The following GRIN2B variants were observed in gnomAD, a reference collection of about 807,000 sequenced individuals.
GRIN2B encodes glutamate ionotropic receptor NMDA type subunit 2B, also known as glutamate receptor ionotropic, NMDA 2B.
GRIN2B carries 5 observed loss-of-function variants against 114.5 expected under a neutral mutation model. The observed-to-expected ratio is 0.04, with a 90% CI of 0.02 to 0.09. The LOEUF is 0.09. Ranked by LOEUF, GRIN2B falls within the 10% of genes least tolerant of loss-of-function variation. GRIN2B has a pLI of 1.00. For missense variants in GRIN2B, 1,108 were observed against 1,943.5 expected, an observed-to-expected ratio of 0.57 and a Z score of 8.08; for synonymous variants, 787 against 745.1, an observed-to-expected ratio of 1.06 and a Z score of -0.92.
intron 2 of GRIN2B, among the ~76,000 whole-genome samples, chr12:13,924,702 G>A (rs10845862): frequency 0.13 from 20,222 of 152,180 alleles, 2,095 homozygotes; most frequent in East Asian, 0.42. Flanking sequence ...AGAGCAAAAA[G>A]AGGAATATCT....
rs765922947 is a variant in GRIN2B at position 13,616,445 on chromosome 12, G to T, written c.1328+10C>A. 20 of 1,601,358 alleles carry T rather than the reference G, an allele frequency of 1.2e-5. No homozygotes were observed. Among genetic ancestry groups the T allele is most frequent in the Non-Finnish European group, 1.6e-5 (19 of 1,169,398 alleles). On this transcript the variant is annotated intron_variant, in intron 6 of 13. Coordinates refer to ENST00000609686, the MANE Select transcript of GRIN2B (RefSeq NM_000834.5). ...CCATGCCACCCAAAGTCATTGAGAG[G>T]ATGCCATACTCAGTGACTATGCGTT...
intron 5 of GRIN2B, among the ~76,000 whole-genome samples, chr12:13,646,684 CT>C (rs2136512526): frequency 6.6e-6 from 1 of 151,604 alleles, no homozygotes; most frequent in Admixed American, 6.6e-5. Flanking sequence ...TCCTTCTTCT[CT>C]TATTTCCGTA....
chr12:13,961,443 G>C (rs755624096), intron 2 of GRIN2B, among the ~76,000 whole-genome samples: 5 of 152,092 alleles, frequency 3.3e-5, no homozygotes, highest in Non-Finnish European at 7.4e-5. Context: ...GCACATTTTT[G>C]CCGGTAAGTG....
At chr12:13,873,992 A>T in intron 2 of GRIN2B, among the ~76,000 whole-genome samples, 1 of 152,224 alleles carries the variant, frequency 6.6e-6, no homozygotes, top group Non-Finnish European at 1.5e-5. Flanking sequence ...GGCTTTGATT[A>T]TCCAAATCTC....
chr12:13,757,773 C>T (rs565091066), intron 3 of GRIN2B, among the ~76,000 whole-genome samples: 2 of 152,182 alleles, frequency 1.3e-5, no homozygotes, highest in African/African-American at 2.4e-5. Flanking sequence ...CAGTCTAGAA[C>T]CATAATGTGG....
At chr12:13,932,988 C>CGCGT (rs1867064747) in intron 2 of GRIN2B, among the ~76,000 whole-genome samples, 3 of 91,066 alleles carry the variant, frequency 3.3e-5, no homozygotes, top group Non-Finnish European at 5.1e-5. Flanking sequence ...TGTGTGTGTG[C>CGCGT]GTGTGCGTGT....
chr12:13,650,171 C>A (rs1048023276), intron 5 of GRIN2B, among the ~76,000 whole-genome samples: 1 of 151,968 alleles, frequency 6.6e-6, no homozygotes, highest in Non-Finnish European at 1.5e-5. Context: ...TCTTCATCTC[C>A]CAATAATTAT....
intron 3 of GRIN2B, among the ~76,000 whole-genome samples, chr12:13,862,121 C>T (rs764202669): frequency 3.3e-5 from 5 of 152,288 alleles, no homozygotes; most frequent in South Asian, 4.1e-4. Flanking sequence ...AGCTAGCCCC[C>T]GTGCTTCTTT....
intron 4 of GRIN2B, among the ~76,000 whole-genome samples, chr12:13,699,935 C>T (rs943406416): frequency 1.3e-5 from 2 of 150,168 alleles, no homozygotes; most frequent in African/African-American, 4.9e-5. Context: ...AGATAACAAT[C>T]TAGTTGAGAT....
chr12:13,621,248 T>G (rs989729400), intron 5 of GRIN2B, among the ~76,000 whole-genome samples: 2 of 152,086 alleles, frequency 1.3e-5, no homozygotes, highest in Non-Finnish European at 2.9e-5. Flanking sequence ...AGCAAACATC[T>G]TGAAAGTGCA....
intron 2 of GRIN2B, among the ~76,000 whole-genome samples, chr12:13,899,997 C>A (rs1866415867): frequency 6.6e-6 from 1 of 152,154 alleles, no homozygotes; most frequent in Admixed American, 6.5e-5. Context: ...TTTTACCACT[C>A]CCATGTGGTT....
chr12:13,759,194 A>C (rs1321302574), intron 3 of GRIN2B, among the ~76,000 whole-genome samples: 1 of 151,700 alleles, frequency 6.6e-6, no homozygotes, highest in Non-Finnish European at 1.5e-5. Context: ...TATTTTTAGT[A>C]GAGATGGGGT....
chr12:13,783,431 G>GGATTTGTTTTGTTTT (rs1864157158), intron 3 of GRIN2B, among the ~76,000 whole-genome samples: 1 of 149,632 alleles, frequency 6.7e-6, no homozygotes, highest in African/African-American at 2.5e-5. Context: ...AACGGAAATA[G>GGATTTGTTTTGTTTT]GTTTTGTTTT....
At chr12:13,645,577 T>C (rs1160129562) in intron 5 of GRIN2B, among the ~76,000 whole-genome samples, 1 of 152,102 alleles carries the variant, frequency 6.6e-6, no homozygotes, top group Non-Finnish European at 1.5e-5. Flanking sequence ...AAACACAGTG[T>C]CTGTGAGGTG....
At chr12:13,836,356 T>C (rs1278732160) in intron 3 of GRIN2B, among the ~76,000 whole-genome samples, 2 of 152,172 alleles carry the variant, frequency 1.3e-5, no homozygotes, top group Non-Finnish European at 2.9e-5. Context: ...TTAGGAATTC[T>C]GGCCTAAGGG....
chr12:13,615,374 C>A lies in GRIN2B; in HGVS notation c.1501-107G>T. On this transcript the variant is annotated intron_variant, in intron 7 of 13. Coordinates refer to ENST00000609686, the MANE Select transcript of GRIN2B (RefSeq NM_000834.5). This position sits in a 1 kb window ranked among gnomAD's most constrained non-coding sequence, Gnocchi z 5.8. ...TTTTCTTTGTATAGTGGGAACAATA[C>A]ATCTTATTTGCCATTTTATATTTTC... 7.1e-7 allele frequency: 1 copy of A among 1,412,880 alleles called. No homozygotes were observed. Among genetic ancestry groups the A allele is most frequent in the Admixed American group, 1.7e-5 (1 of 59,438 alleles). 87.5% of individuals were successfully genotyped at this position (1,412,880 alleles called of 1,614,324 possible).
chr12:13,642,300 T>C (rs1180398973), intron 5 of GRIN2B, among the ~76,000 whole-genome samples: 1 of 152,186 alleles, frequency 6.6e-6, no homozygotes, highest in Non-Finnish European at 1.5e-5. Flanking sequence ...AGTCAGTACC[T>C]ATTTTCACCA....
At chr12:13,614,995 G>T in intron 8 of GRIN2B, 119 bp downstream of exon 8, 1 of 892,150 alleles carries the variant, frequency 1.1e-6, no homozygotes. Flanking sequence ...CCCTGGCTGA[G>T]TTGAGCTCCT....
intron 5 of GRIN2B, among the ~76,000 whole-genome samples, chr12:13,655,550 G>A (rs1949855295): frequency 6.6e-6 from 1 of 152,190 alleles, no homozygotes; most frequent in South Asian, 2.1e-4. Context: ...GTTACATTCA[G>A]TGGTGCATGG....
Sources: gnomAD v4.1 joint callset for allele counts (sites outside exome capture counted in the v4.1 genomes callset) on GRCh38, gnomAD v4.1.1 for gene constraint, Gnocchi (gnomAD v3.1) non-coding constraint, MANE v1.5 for transcripts, NCBI Gene and HGNC (gene_info 2026-07-23, HGNC 2026-07-21) for gene names.